TXNDC16: variants seen among roughly 807,000 people sequenced by gnomAD.
The protein encoded by TXNDC16 is thioredoxin domain containing 16.
Under a neutral mutation model 85.6 loss-of-function variants are expected in TXNDC16, and 74 were observed. The ratio of observed to expected loss-of-function variants is 0.86; its 90% confidence interval spans 0.72 to 1.05. The LOEUF is 1.05. Ranked by LOEUF, TXNDC16 falls within the 50% of genes least tolerant of loss-of-function variation. The probability of loss-of-function intolerance (pLI) is 0.00; values close to 1 mark genes in which losing one functional copy is unlikely to be tolerated. For missense variants in TXNDC16, 959 were observed against 947.0 expected, an observed-to-expected ratio of 1.01 and a Z score of -0.17; for synonymous variants, 335 against 326.5, an observed-to-expected ratio of 1.03 and a Z score of -0.28.
chr14:52,525,699 A>AAATAATAAT (rs199701557), intron 6 of TXNDC16, among the ~76,000 whole-genome samples: 292 of 121,326 alleles, frequency 2.4e-3, no homozygotes, highest in African/African-American at 2.8e-3. Flanking sequence ...CTCCATCTCA[A>AAATAATAAT]AATAATAATA....
At chr14:52,491,847 T>C (rs2036416359) in intron 9 of TXNDC16, among the ~76,000 whole-genome samples, 1 of 152,136 alleles carries the variant, frequency 6.6e-6, no homozygotes, top group Non-Finnish European at 1.5e-5. Context: ...AGAGAAAAGA[T>C]AGCACAATTT....
intron 6 of TXNDC16, among the ~76,000 whole-genome samples, chr14:52,527,330 C>G (rs533306977): frequency 6.6e-6 from 1 of 152,296 alleles, no homozygotes; most frequent in South Asian, 2.1e-4. Context: ...AATAAGAGGA[C>G]ACCCCGCTGA....
At chr14:52,486,013 AG>A (rs1300063024) in intron 12 of TXNDC16, among the ~76,000 whole-genome samples, 1 of 152,184 alleles carries the variant, frequency 6.6e-6, no homozygotes, top group Non-Finnish European at 1.5e-5. Context: ...TATAACTTAA[AG>A]GTACTTTTAA....
At chr14:52,454,632 T>C (rs2035487941) in intron 18 of TXNDC16, among the ~76,000 whole-genome samples, 2 of 140,196 alleles carry the variant, frequency 1.4e-5, no homozygotes, top group Non-Finnish European at 3.1e-5. Context: ...GGTGAAACCT[T>C]GTGTCTACTA....
At chr14:52,483,091 T>TTA in intron 12 of TXNDC16, 126 bp from the exon 13 acceptor site, 1 of 708,724 alleles carries the variant, frequency 1.4e-6, no homozygotes, top group Non-Finnish European at 2.1e-6. Context: ...CCTATCTTAA[T>TTA]AGTTAGGATG....
intron 9 of TXNDC16, among the ~76,000 whole-genome samples, chr14:52,499,006 C>T (rs1047982908): frequency 1.3e-5 from 2 of 151,964 alleles, no homozygotes; most frequent in Admixed American, 6.6e-5. Flanking sequence ...AGAGAGCCCA[C>T]AAATAAACCT....
intron 14 of TXNDC16, 73 bp from the exon 15 acceptor site, chr14:52,470,753 T>G: frequency 7.2e-7 from 1 of 1,394,786 alleles, no homozygotes; most frequent in East Asian, 2.4e-5. Flanking sequence ...CTTCAGTATT[T>G]TTCTATCCCA....
chr14:52,526,982 G>A (rs779033724), intron 6 of TXNDC16, among the ~76,000 whole-genome samples: 2 of 152,232 alleles, frequency 1.3e-5, no homozygotes, highest in Non-Finnish European at 2.9e-5. Flanking sequence ...GCCAGCGGAG[G>A]GCAGCATGCC....
chr14:52,484,834 T>C (rs894554163), intron 12 of TXNDC16, among the ~76,000 whole-genome samples: 2 of 151,988 alleles, frequency 1.3e-5, no homozygotes, highest in Admixed American at 6.6e-5. Context: ...TGAGCCGAGA[T>C]TGCACCGCTG....
Position 52,530,445 on chromosome 14 carries a change from T to TAATTATATAA in TXNDC16, c.392+6273_392+6274insTTATATAATT, listed in dbSNP as rs2037514339. ...ATTATATATAATAATATATAATATA[T>TAATTATATAA]TATTATATAATAATATATATTATAT... On this transcript the variant is annotated intron_variant, in intron 6 of 20. Coordinates refer to ENST00000281741, the MANE Select transcript of TXNDC16 (RefSeq NM_020784.3). Among the ~76,000 whole-genome samples the TAATTATATAA allele has an allele frequency of 2.1e-4, 3 of 14,428 alleles. 1 individual carries two copies. The highest frequency in any genetic ancestry group is 1.4e-3 in the African/African-American group (3 of 2,202). 9.5% of individuals were successfully genotyped at this position (14,428 alleles called of 152,430 possible). A position where few individuals can be genotyped will look rare whatever the true frequency, so the allele number is the denominator to read the frequency against.
chr14:52,497,617 A>T (rs7158600), intron 9 of TXNDC16, among the ~76,000 whole-genome samples: 5 of 151,962 alleles, frequency 3.3e-5, no homozygotes, highest in Non-Finnish European at 5.9e-5. Context: ...CAGTGGCTCA[A>T]GCCTATAATC....
chr14:52,512,524 T>A (rs1185512158), intron 8 of TXNDC16, among the ~76,000 whole-genome samples: 4 of 152,154 alleles, frequency 2.6e-5, no homozygotes, highest in African/African-American at 7.2e-5. Context: ...TCCTGAATAG[T>A]CACATACTGC....
At chr14:52,438,987 G>C (rs2035100003) in intron 20 of TXNDC16, among the ~76,000 whole-genome samples, 1 of 152,020 alleles carries the variant, frequency 6.6e-6, no homozygotes, top group Non-Finnish European at 1.5e-5. Flanking sequence ...AAGTAACATG[G>C]ACTCAATGAA....
chr14:52,484,073 A>G (rs771190446), intron 12 of TXNDC16, among the ~76,000 whole-genome samples: 7 of 152,164 alleles, frequency 4.6e-5, no homozygotes, highest in Non-Finnish European at 7.3e-5. Flanking sequence ...AAGAATTGTT[A>G]ATTTTTTAGA....
At chr14:52,495,695 T>A (rs2036515902) in intron 9 of TXNDC16, among the ~76,000 whole-genome samples, 1 of 152,214 alleles carries the variant, frequency 6.6e-6, no homozygotes, top group African/African-American at 2.4e-5. Flanking sequence ...ATCACTTCCA[T>A]GTGTAAAATA....
chr14:52,435,720 G>T (rs368960872), intron 20 of TXNDC16, among the ~76,000 whole-genome samples: 1 of 152,078 alleles, frequency 6.6e-6, no homozygotes, highest in Admixed American at 6.6e-5. Context: ...CAACACTTTG[G>T]GGGGCTGAGG....
At chr14:52,531,181 A>AG (rs2037569966) in intron 6 of TXNDC16, among the ~76,000 whole-genome samples, 1 of 152,186 alleles carries the variant, frequency 6.6e-6, no homozygotes, top group Non-Finnish European at 1.5e-5. Context: ...AACACTGACA[A>AG]GGATGTGGAA....
chr14:52,498,102 T>G (rs546901502), intron 9 of TXNDC16, among the ~76,000 whole-genome samples: 1 of 152,152 alleles, frequency 6.6e-6, no homozygotes, highest in Admixed American at 6.5e-5. Flanking sequence ...TCAACACAAT[T>G]TCATGATAAA....
chr14:52,449,958 T>G (rs1019829567), intron 18 of TXNDC16, among the ~76,000 whole-genome samples: 1 of 151,978 alleles, frequency 6.6e-6, no homozygotes, highest in Non-Finnish European at 1.5e-5. Flanking sequence ...AAGGAAAGTT[T>G]ATAGCAATGA....
Sources: allele counts gnomAD v4.1 joint callset (sites outside exome capture counted in the v4.1 genomes callset), GRCh38; gene constraint gnomAD v4.1.1; transcripts MANE v1.5; gene names NCBI Gene and HGNC (gene_info 2026-07-23, HGNC 2026-07-21).